SLC25A48: variants seen among roughly 807,000 people sequenced by gnomAD.
The protein encoded by SLC25A48 is solute carrier family 25 member 48.
SLC25A48 carries 29 observed loss-of-function variants against 32.2 expected under a neutral mutation model. The ratio of observed to expected loss-of-function variants is 0.90; its 90% CI spans 0.67 to 1.23. The LOEUF is 1.23. SLC25A48 is among the 50% of genes most tolerant of loss of function. The probability of loss-of-function intolerance (pLI) is 0.00; values close to 1 mark genes in which losing one functional copy is unlikely to be tolerated. For synonymous variants in SLC25A48, 164 were observed against 172.3 expected (o/e 0.95, Z 0.38); for missense variants, 399 against 422.7 (o/e 0.94, Z 0.49).
At chr5:135,603,599 G>C (rs189246464) in intron 1 of SLC25A48, among the ~76,000 whole-genome samples, 1 of 152,202 alleles carries the variant, frequency 6.6e-6, no homozygotes, top group African/African-American at 2.4e-5. Flanking sequence ...GCCCTGGGGA[G>C]CCTGACCTCC....
intron 1 of SLC25A48, among the ~76,000 whole-genome samples, chr5:135,599,039 C>G (rs115991256): frequency 3.9e-5 from 6 of 151,924 alleles, no homozygotes; most frequent in African/African-American, 1.5e-4. Flanking sequence ...CCTCCCTTCT[C>G]GTCATGGCCA....
At chr5:135,854,405 T>C (rs764774158) in intron 4 of SLC25A48, among the ~76,000 whole-genome samples, 4 of 152,274 alleles carry the variant, frequency 2.6e-5, no homozygotes, top group Non-Finnish European at 5.9e-5. Context: ...ATAGTCATGT[T>C]CATCAATTCT....
intron 3 of SLC25A48, among the ~76,000 whole-genome samples, chr5:135,794,817 A>G (rs1279901633): frequency 6.6e-6 from 1 of 151,742 alleles, no homozygotes; most frequent in Admixed American, 6.6e-5. Flanking sequence ...CCCACATAAT[A>G]ATGTTCCTAA....
chr5:135,591,537 C>T (rs1004311917), intron 1 of SLC25A48, among the ~76,000 whole-genome samples: 2 of 152,226 alleles, frequency 1.3e-5, no homozygotes, highest in African/African-American at 4.8e-5. Context: ...CTGCCTCAAC[C>T]CACCTGGAGT....
intron 7 of SLC25A48, among the ~76,000 whole-genome samples, chr5:135,886,936 T>C (rs1360349566): frequency 1.3e-5 from 2 of 151,600 alleles, no homozygotes; most frequent in Non-Finnish European, 2.9e-5. Flanking sequence ...GGCTTCAGGG[T>C]TGGCCAATTT....
At chr5:135,869,170 A>G (rs969541582) in intron 4 of SLC25A48, among the ~76,000 whole-genome samples, 1 of 152,240 alleles carries the variant, frequency 6.6e-6, no homozygotes, top group African/African-American at 2.4e-5. Flanking sequence ...AATTATTTCC[A>G]AATAAAAAGT....
chr5:135,642,844 C>T (rs1752871876), intron 3 of SLC25A48, among the ~76,000 whole-genome samples: 1 of 152,174 alleles, frequency 6.6e-6, no homozygotes, highest in African/African-American at 2.4e-5. Context: ...AAATGTGGCT[C>T]CTGATGGGCA....
At chr5:135,746,485 C>A in intron 3 of SLC25A48, 1 of 232,504 alleles carries the variant, frequency 4.3e-6, no homozygotes, top group South Asian at 5.9e-5. Flanking sequence ...TTGTGGTCAC[C>A]GGAACTGCTG....
intron 3 of SLC25A48, among the ~76,000 whole-genome samples, chr5:135,699,089 T>G (rs1296430953): frequency 6.6e-6 from 1 of 152,156 alleles, no homozygotes; most frequent in East Asian, 1.9e-4. Flanking sequence ...ACAATACTGG[T>G]AAGAACATAA....
At chr5:135,870,046 A>G (rs1761512364) in intron 4 of SLC25A48, among the ~76,000 whole-genome samples, 1 of 152,220 alleles carries the variant, frequency 6.6e-6, no homozygotes, top group Non-Finnish European at 1.5e-5. Flanking sequence ...TCCAATCTCT[A>G]GACTGTGGAG....
chr5:135,752,895 G>A (rs185551951), intron 3 of SLC25A48, among the ~76,000 whole-genome samples: 1 of 151,650 alleles, frequency 6.6e-6, no homozygotes, highest in East Asian at 2.0e-4. Flanking sequence ...TCTATGATAT[G>A]GATAATACTA....
chr5:135,658,189 A>G (rs948232029), intron 3 of SLC25A48, among the ~76,000 whole-genome samples: 4 of 152,242 alleles, frequency 2.6e-5, no homozygotes, highest in Non-Finnish European at 5.9e-5. Flanking sequence ...ATGAAAAACA[A>G]GTTAATTACT....
chr5:135,704,493 A>T (rs999295786), intron 3 of SLC25A48, among the ~76,000 whole-genome samples: 14 of 152,344 alleles, frequency 9.2e-5, no homozygotes, highest in Admixed American at 7.8e-4. Flanking sequence ...CAGACTTGAG[A>T]TTTCTGACTT....
Position 135,780,673 on chromosome 5 carries a change from G to T in SLC25A48, c.-520-31850G>T, listed in dbSNP as rs1282038552. On this transcript the variant is annotated intron_variant, in intron 3 of 10. Transcript: ENST00000646290. ...TGATATTATTCCCAATGTCATAAAGGGTATATATTCACTCGGTGTTATTTT... is the reference window on the plus strand; with the variant it reads ...TGATATTATTCCCAATGTCATAAAGTGTATATATTCACTCGGTGTTATTTT... 9.5e-5 allele frequency among the ~76,000 whole-genome samples: 11 copies of T among 116,166 alleles called. 4 individuals carry two copies. Among genetic ancestry groups the T allele is most frequent in the Non-Finnish European group, 2.3e-4 (11 of 47,124 alleles). 76.2% of individuals were successfully genotyped at this position (116,166 alleles called of 152,430 possible). A position where few individuals can be genotyped will look rare whatever the true frequency, so the allele number is the denominator to read the frequency against.
intron 1 of SLC25A48, among the ~76,000 whole-genome samples, chr5:135,580,177 C>A (rs1212151147): frequency 6.6e-6 from 1 of 152,130 alleles, no homozygotes; most frequent in Non-Finnish European, 1.5e-5. Context: ...ATAACTTGTC[C>A]AAGGTCACAG....
At chr5:135,794,205 G>A (rs1757107401) in intron 3 of SLC25A48, among the ~76,000 whole-genome samples, 1 of 151,614 alleles carries the variant, frequency 6.6e-6, no homozygotes, top group South Asian at 2.1e-4. Flanking sequence ...CGCAGGTGGT[G>A]TACACCCCTT....
At chr5:135,714,263 C>T (rs532272566) in intron 3 of SLC25A48, among the ~76,000 whole-genome samples, 1 of 152,270 alleles carries the variant, frequency 6.6e-6, no homozygotes, top group South Asian at 2.1e-4. Flanking sequence ...AAAGCCTGGA[C>T]CACAGGAATG....
intron 3 of SLC25A48, among the ~76,000 whole-genome samples, chr5:135,733,784 T>A (rs929709271): frequency 6.6e-6 from 1 of 151,902 alleles, no homozygotes; most frequent in Non-Finnish European, 1.5e-5. Flanking sequence ...GGAGCAGCTT[T>A]TAGGGCTGTT....
At chr5:135,850,383 A>G in intron 2 of SLC25A48, 42 bp from the exon 3 acceptor site, 1 of 1,600,462 alleles carries the variant, frequency 6.2e-7, no homozygotes, top group Non-Finnish European at 8.6e-7. Context: ...TGGGGCTATG[A>G]ATAACCTCTG....
Sources: allele counts gnomAD v4.1 joint callset (sites outside exome capture counted in the v4.1 genomes callset), GRCh38; gene constraint gnomAD v4.1.1; transcripts MANE v1.5; gene names NCBI Gene and HGNC (gene_info 2026-07-23, HGNC 2026-07-21).